SH2B3: variants seen among roughly 807,000 people sequenced by gnomAD.
SH2B3 encodes SH2B adapter protein 3.
A neutral mutation model predicts 51.9 loss-of-function variants in SH2B3; 43 were observed. That is an observed-to-expected ratio of 0.83 (90% confidence interval 0.65 to 1.07). The LOEUF (loss-of-function observed/expected upper bound fraction) is 1.07. Ranked by LOEUF, SH2B3 falls within the 50% of genes least tolerant of loss-of-function variation. The probability of loss-of-function intolerance (pLI) is 0.00; values close to 1 mark genes in which losing one functional copy is unlikely to be tolerated. For synonymous variants in SH2B3, 396 were observed against 376.0 expected, an observed-to-expected ratio of 1.05 and a Z score of -0.62; for missense variants, 952 against 834.3, an observed-to-expected ratio of 1.14 and a Z score of -1.74.
chr12:111,413,615 G>A (rs1019851752), intron 1 of SH2B3, among the ~76,000 whole-genome samples: 4 of 152,220 alleles, frequency 2.6e-5, no homozygotes, highest in Non-Finnish European at 5.9e-5. Context: ...AGGACTGTGC[G>A]GAAGGTAGGA....
chr12:111,433,884 G>T (rs1422893758), intron 2 of SH2B3, among the ~76,000 whole-genome samples: 1 of 152,176 alleles, frequency 6.6e-6, no homozygotes, highest in Non-Finnish European at 1.5e-5. Flanking sequence ...AAAATGCTGG[G>T]ATTACAGGTG....
intron 2 of SH2B3, chr12:111,444,990 C>A: frequency 2.0e-6 from 1 of 498,194 alleles, no homozygotes; most frequent in Non-Finnish European, 2.6e-6. Context: ...AGCCAGCAGG[C>A]AGGTGGCAGC....
intron 1 of SH2B3, among the ~76,000 whole-genome samples, chr12:111,411,526 G>A (rs551078245): frequency 3.3e-5 from 5 of 152,296 alleles, no homozygotes; most frequent in African/African-American, 4.8e-5. Context: ...CCTGATCTCA[G>A]CGGGGCATGG....
intron 2 of SH2B3, among the ~76,000 whole-genome samples, chr12:111,439,324 T>G (rs1249823466): frequency 6.6e-6 from 1 of 152,310 alleles, no homozygotes; most frequent in East Asian, 1.9e-4. Flanking sequence ...TAATTTTGTA[T>G]TTTTAGTAGA....
intron 1 of SH2B3, among the ~76,000 whole-genome samples, chr12:111,414,985 TG>T (rs1655344618): frequency 6.6e-6 from 1 of 152,220 alleles, no homozygotes; most frequent in South Asian, 2.1e-4. Flanking sequence ...ATGTGAGCCC[TG>T]GGAGAGCAGT....
chr12:111,425,231 G>A (rs534426494), intron 2 of SH2B3, among the ~76,000 whole-genome samples: 10 of 151,088 alleles, frequency 6.6e-5, no homozygotes, highest in Admixed American at 6.6e-5. Flanking sequence ...GGTGTGCAAG[G>A]GGAGGCCACA....
intron 2 of SH2B3, among the ~76,000 whole-genome samples, chr12:111,428,587 C>G (rs1872195476): frequency 6.6e-6 from 1 of 152,140 alleles, no homozygotes. Flanking sequence ...CACCCAGAAG[C>G]CCTGGAACAA....
intron 2 of SH2B3, among the ~76,000 whole-genome samples, chr12:111,423,098 TGAA>T (rs1308542563): frequency 6.6e-6 from 1 of 152,128 alleles, no homozygotes; most frequent in African/African-American, 2.4e-5. Context: ...TAGCATGTTT[TGAA>T]GAAAGGACAA....
chr12:111,423,519 GCCA>G (rs1806341892), intron 2 of SH2B3, among the ~76,000 whole-genome samples: 1 of 152,076 alleles, frequency 6.6e-6, no homozygotes, highest in Non-Finnish European at 1.5e-5. Flanking sequence ...ACAGGTGCCC[GCCA>G]CCACACCTGG....
At chr12:111,421,747 T>C (rs1871582703) in intron 2 of SH2B3, among the ~76,000 whole-genome samples, 1 of 152,146 alleles carries the variant, frequency 6.6e-6, no homozygotes, top group African/African-American at 2.4e-5. Flanking sequence ...CTGAATAGAT[T>C]CCATTGCACA....
chr12:111,434,484 G>A (rs144505041), intron 2 of SH2B3, among the ~76,000 whole-genome samples: 12 of 152,252 alleles, frequency 7.9e-5, no homozygotes, highest in African/African-American at 1.2e-4. Flanking sequence ...AACACTACAC[G>A]GCACGGATAT....
At chr12:111,411,583 C>G (rs1001013029) in intron 1 of SH2B3, among the ~76,000 whole-genome samples, 1 of 152,146 alleles carries the variant, frequency 6.6e-6, no homozygotes, top group Non-Finnish European at 1.5e-5. Context: ...GATTCAAGGT[C>G]CTGCGATTTC....
Position 111,447,675 on chromosome 12 carries a change from C to A in SH2B3, c.1256C>A (p.Thr419Lys), listed in dbSNP as rs1363693369. The change falls in exon 7 of 8, where the codon ACA becomes AAA. Residue 419 changes from threonine to lysine, a missense_variant. Physicochemically the swap from Thr to Lys is moderately conservative, Grantham distance 78. Coordinates refer to ENST00000341259, the MANE Select transcript of SH2B3 (RefSeq NM_005475.3). Reference sequence around the variant, plus strand: ...CCACAGCACCTGCGCCTGTCGCTGACAGAGCGGGGCCAGTGCCGTGTGCAG... The same window carrying A: ...CCACAGCACCTGCGCCTGTCGCTGAAAGAGCGGGGCCAGTGCCGTGTGCAG... ...GIAKHLRLSL[T>K]ERGQCRVQHL... is the part of the protein sequence containing the mutation. 1.2e-6 allele frequency: 2 copies of A among 1,612,618 alleles called. No homozygotes were observed. Among genetic ancestry groups the A allele is most frequent in the Non-Finnish European group, 1.7e-6 (2 of 1,179,046 alleles).
upstream of SH2B3, chr12:111,405,860 G>GC (rs952413194): frequency 6.6e-6 from 1 of 151,850 alleles, no homozygotes; most frequent in Non-Finnish European, 1.5e-5. This position sits in a 1 kb window ranked among gnomAD's most constrained non-coding sequence, Gnocchi z 5.4. Flanking sequence ...CCCCGCCCCT[G>GC]CCCCGCCCCT....
chr12:111,419,228 AG>A (rs1260019402), intron 2 of SH2B3, among the ~76,000 whole-genome samples: 2 of 152,180 alleles, frequency 1.3e-5, no homozygotes, highest in East Asian at 3.9e-4. Flanking sequence ...ACTTGAGCCC[AG>A]GAGGTGGAGG....
At chr12:111,445,786 T>C (rs1873898472) in intron 2 of SH2B3, among the ~76,000 whole-genome samples, 1 of 152,256 alleles carries the variant, frequency 6.6e-6, no homozygotes, top group Non-Finnish European at 1.5e-5. Flanking sequence ...CACTGGGTCA[T>C]GATCCTTCCG....
At position 111,429,047 on chromosome 12, in the gene SH2B3, A is replaced by AGG. The variant is rs1398759872; in HGVS notation, c.732+10170_732+10171insGG. On this transcript the variant is annotated intron_variant, in intron 2 of 7. Transcript: ENST00000341259. This position sits in a 1 kb window ranked among gnomAD's most constrained non-coding sequence, Gnocchi z 4.4. ...GAGGAGGAGGAGGAGGAGGAGGAGG[A>AGG]AGAGGAGGAGGAGGAGGAGGAGGGA... Among the ~76,000 whole-genome samples the AGG allele has an allele frequency of 5.2e-3, 755 of 146,084 alleles. 7 individuals are homozygous for AGG. Among genetic ancestry groups the AGG allele is most frequent in the Non-Finnish European group, 8.0e-3 (525 of 65,574 alleles).
intron 2 of SH2B3, among the ~76,000 whole-genome samples, chr12:111,423,755 G>A (rs1476691247): frequency 2.6e-5 from 4 of 152,200 alleles, no homozygotes; most frequent in Non-Finnish European, 5.9e-5. Context: ...GACCAAGGCA[G>A]ATTACCTGAG....
chr12:111,434,821 C>T (rs1025415603), intron 2 of SH2B3: 1 of 1,519,580 alleles, frequency 6.6e-7, no homozygotes, highest in Non-Finnish European at 8.8e-7. Flanking sequence ...TGTGTCAAGG[C>T]CTGTGACATG....
Sources: allele counts gnomAD v4.1 joint callset (sites outside exome capture counted in the v4.1 genomes callset), GRCh38; gene constraint gnomAD v4.1.1; non-coding constraint Gnocchi (gnomAD v3.1); transcripts MANE v1.5; gene names NCBI Gene and HGNC (gene_info 2026-07-23, HGNC 2026-07-21).